The following XRRA1 variants were observed in gnomAD, a reference collection of about 807,000 sequenced individuals.
XRRA1 encodes X-ray radiation resistance-associated protein 1.
In XRRA1, 69 loss-of-function variants were observed where a neutral mutation model predicts 80.2. That is an observed-to-expected ratio of 0.86 (90% confidence interval 0.71 to 1.05). XRRA1 has a LOEUF of 1.05. Ranked by LOEUF, XRRA1 falls within the 50% of genes least tolerant of loss-of-function variation. The pLI is 0.00. For synonymous variants in XRRA1, 348 were observed against 389.9 expected, an observed-to-expected ratio of 0.89 and a Z score of 1.27; for missense variants, 967 against 976.4, an observed-to-expected ratio of 0.99 and a Z score of 0.13.
intron 14 of XRRA1, among the ~76,000 whole-genome samples, chr11:74,849,153 G>A (rs76754856): frequency 0.01 from 1,564 of 152,226 alleles, 32 homozygotes; most frequent in African/African-American, 0.034. Context: ...CCTTTACATA[G>A]TGGATTGTTT....
At chr11:74,902,088 A>G in intron 10 of XRRA1, among the ~76,000 whole-genome samples, 1 of 152,240 alleles carries the variant, frequency 6.6e-6, no homozygotes, top group East Asian at 1.9e-4. Flanking sequence ...TAATAATCTG[A>G]CTAAAAAATG....
intron 4 of XRRA1, among the ~76,000 whole-genome samples, chr11:74,935,400 CTTATT>C (rs1373422572): frequency 6.6e-6 from 1 of 152,150 alleles, no homozygotes; most frequent in Non-Finnish European, 1.5e-5. Context: ...ATGCCTCTGG[CTTATT>C]TTTATGTGAA....
Position 74,843,258 on chromosome 11 carries a change from A to C in XRRA1, c.2345T>G (p.Phe782Cys), listed in dbSNP as rs1419790050. Reference sequence around the variant, plus strand: ...GCAGAACTCATCCATGAACTCGAGGAAGTGGCCGAACTTGGGCTGGCTCTC... The same window carrying C: ...GCAGAACTCATCCATGAACTCGAGGCAGTGGCCGAACTTGGGCTGGCTCTC... Reference protein sequence around the residue: ...LSESQPKFGHFLEFMDEFCQE... With the variant: ...LSESQPKFGHCLEFMDEFCQE... The change falls in exon 19 of 19, where the codon TTC (phenylalanine) becomes TGC (cysteine). Residue 782 changes from phenylalanine to cysteine, a missense_variant. Physicochemically the swap from Phe to Cys is radical, Grantham distance 205. Transcript: ENST00000684022. 6.4e-7 allele frequency: 1 copy of C among 1,572,620 alleles called. No individual in the cohort carries two copies. The highest frequency in any genetic ancestry group is 1.4e-5 in the African/African-American group (1 of 73,990).
At position 74,843,101 on chromosome 11, in the gene XRRA1, T is replaced by G; in HGVS notation, c.*99A>C. 7.0e-7 allele frequency: 1 copy of G among 1,435,576 alleles called. No individual in the cohort carries two copies. The highest frequency in any genetic ancestry group is 9.2e-7 in the Non-Finnish European group (1 of 1,087,198). 88.9% of individuals were successfully genotyped at this position (1,435,576 alleles called of 1,614,324 possible). On this transcript the variant is annotated 3_prime_UTR_variant, in exon 19 of 19. Coordinates refer to ENST00000684022, the MANE Select transcript of XRRA1 (RefSeq NM_001378157.1). ...GGGCCCAGCTGAGCTCTGAGGCCTG[T>G]GGCCGGCTGGTCAACCTTGAGGTGC... is the stretch of plus-strand genomic sequence containing the variant.
At chr11:74,883,594 C>T (rs1264720441) in intron 10 of XRRA1, among the ~76,000 whole-genome samples, 1 of 152,240 alleles carries the variant, frequency 6.6e-6, no homozygotes. Context: ...TAAAATTTAT[C>T]TCTTCTTGCC....
At chr11:74,843,715 T>C in intron 18 of XRRA1, 139 bp downstream of exon 18, 1 of 859,400 alleles carries the variant, frequency 1.2e-6, no homozygotes. Flanking sequence ...GGCTCTCCTT[T>C]TGTCCATCTA....
chr11:74,890,445 A>G (rs1289715950), intron 10 of XRRA1, among the ~76,000 whole-genome samples: 1 of 152,268 alleles, frequency 6.6e-6, no homozygotes, highest in Non-Finnish European at 1.5e-5. Context: ...CACAAGAGAA[A>G]GCAGGAAATA....
At chr11:74,887,889 T>C (rs1591042396) in intron 10 of XRRA1, among the ~76,000 whole-genome samples, 1 of 152,132 alleles carries the variant, frequency 6.6e-6, no homozygotes, top group African/African-American at 2.4e-5. Flanking sequence ...GCACCCGCCA[T>C]TGCCGAGGCT....
chr11:74,925,131 T>A (rs913616234), intron 7 of XRRA1, among the ~76,000 whole-genome samples: 15 of 152,318 alleles, frequency 9.8e-5, no homozygotes, highest in Admixed American at 9.8e-4. Context: ...GGCTACAGAA[T>A]TTCAGAGCTG....
At chr11:74,922,575 T>C (rs1035365363) in intron 7 of XRRA1, among the ~76,000 whole-genome samples, 3 of 152,168 alleles carry the variant, frequency 2.0e-5, no homozygotes, top group South Asian at 2.1e-4. Flanking sequence ...TCAACATACA[T>C]TGAAGTCTAT....
intron 7 of XRRA1, among the ~76,000 whole-genome samples, chr11:74,922,604 G>A (rs1168087788): frequency 6.6e-6 from 1 of 152,148 alleles, no homozygotes; most frequent in Non-Finnish European, 1.5e-5. Flanking sequence ...GTCAGTTTCA[G>A]CAACTTATTC....
intron 14 of XRRA1, 54 bp downstream of exon 14, chr11:74,851,034 T>G: frequency 6.9e-7 from 1 of 1,459,054 alleles, no homozygotes; most frequent in Non-Finnish European, 9.4e-7. Flanking sequence ...TTTGCATACA[T>G]TATAATAGGC....
At chr11:74,844,581 G>T (rs1457919420) in intron 16 of XRRA1, among the ~76,000 whole-genome samples, 1 of 152,180 alleles carries the variant, frequency 6.6e-6, no homozygotes, top group Non-Finnish European at 1.5e-5. Context: ...AACCTCAGGG[G>T]GTTATATCGC....
At chr11:74,892,907 C>G (rs2051177900) in intron 10 of XRRA1, among the ~76,000 whole-genome samples, 1 of 151,922 alleles carries the variant, frequency 6.6e-6, no homozygotes, top group African/African-American at 2.4e-5. Flanking sequence ...CAGGAAACAA[C>G]AGGTGCTGGA....
At chr11:74,913,031 T>C (rs747472562) in intron 8 of XRRA1, among the ~76,000 whole-genome samples, 8 of 152,176 alleles carry the variant, frequency 5.3e-5, no homozygotes, top group Non-Finnish European at 1.0e-4. Flanking sequence ...AAAGGTCAGA[T>C]GGAAGAATGA....
intron 5 of XRRA1, chr11:74,933,161 T>C (rs1297433713): frequency 6.6e-6 from 1 of 152,212 alleles, no homozygotes; most frequent in Non-Finnish European, 1.5e-5. Context: ...ATATCTCTTG[T>C]AGGGTCTTGT....
chr11:74,923,188 G>C (rs556002947), intron 7 of XRRA1, among the ~76,000 whole-genome samples: 8 of 152,252 alleles, frequency 5.3e-5, no homozygotes, highest in Non-Finnish European at 1.0e-4. Flanking sequence ...AGACATTCAG[G>C]GCAGAAAGTG....
At chr11:74,850,678 T>C (rs2039566273) in intron 14 of XRRA1, among the ~76,000 whole-genome samples, 1 of 152,324 alleles carries the variant, frequency 6.6e-6, no homozygotes, top group Non-Finnish European at 1.5e-5. Flanking sequence ...AGGAGATGTA[T>C]TCTGGTCCTG....
Position 74,862,246 on chromosome 11 carries a change from G to T in XRRA1, c.1044+735C>A, listed in dbSNP as rs373227494. Among the ~76,000 whole-genome samples, 7 of 152,216 alleles carry T rather than the reference G, an allele frequency of 4.6e-5. No homozygotes were observed. The East Asian group carries it at 9.6e-4, about 21-fold the overall frequency. On this transcript the variant is annotated intron_variant, in intron 11 of 18. Coordinates refer to ENST00000684022, the MANE Select transcript of XRRA1 (RefSeq NM_001378157.1). ...AAATGCAGCTGTATAAGTGAGCCTT[G>T]GTGGAGCCAGTGGAATCACTTCGTC...
Sources: allele counts gnomAD v4.1 joint callset (sites outside exome capture counted in the v4.1 genomes callset), GRCh38; gene constraint gnomAD v4.1.1; transcripts MANE v1.5; gene names NCBI Gene and HGNC (gene_info 2026-07-23, HGNC 2026-07-21).